The following NRP1 variants were observed in gnomAD, a reference collection of about 807,000 sequenced individuals.
NRP1 encodes the protein neuropilin-1.
A neutral mutation model predicts 106.7 loss-of-function variants in NRP1; 35 were observed. The observed-to-expected ratio is 0.33, with a 90% CI of 0.25 to 0.43. The LOEUF is 0.43. NRP1 is among the 20% of genes least tolerant of loss of function. NRP1 has a pLI of 1.00. For missense variants in NRP1, 1,024 were observed against 1,170.4 expected, an observed-to-expected ratio of 0.87 and a Z score of 1.83; for synonymous variants, 437 against 417.9, an observed-to-expected ratio of 1.05 and a Z score of -0.56.
At chr10:33,182,832 T>TTCACACACAC in intron 15 of NRP1, 84 bp from the exon 16 acceptor site, 1 of 758,812 alleles carries the variant, frequency 1.3e-6, no homozygotes, top group African/African-American at 2.9e-5. Context: ...TTTAGGTACA[T>TTCACACACAC]GCACACACAC....
intron 12 of NRP1, among the ~76,000 whole-genome samples, chr10:33,197,386 T>G (rs1410978813): frequency 6.6e-6 from 1 of 152,226 alleles, no homozygotes; most frequent in Non-Finnish European, 1.5e-5. Context: ...GTGCTGCGTT[T>G]AAACAAAGTA....
chr10:33,185,839 G>GT (rs1194502004), intron 14 of NRP1, 115 bp from the exon 15 acceptor site: 5 of 909,872 alleles, frequency 5.5e-6, no homozygotes, highest in African/African-American at 1.6e-5. Flanking sequence ...CAGATTCAGC[G>GT]TAACACAGAC....
chr10:33,198,818 C>A (rs2132669868), intron 11 of NRP1, among the ~76,000 whole-genome samples: 1 of 152,234 alleles, frequency 6.6e-6, no homozygotes, highest in African/African-American at 2.4e-5. Context: ...GACAAATACC[C>A]TGCCCTGTAT....
chr10:33,258,616 T>C (rs1165990809), intron 4 of NRP1, among the ~76,000 whole-genome samples: 4 of 152,220 alleles, frequency 2.6e-5, no homozygotes, highest in African/African-American at 9.7e-5. Context: ...AGAAAGCATC[T>C]CAGAAGATGA....
chr10:33,249,957 G>T (rs1320028039), intron 6 of NRP1, among the ~76,000 whole-genome samples: 1 of 152,044 alleles, frequency 6.6e-6, no homozygotes, highest in East Asian at 1.9e-4. Flanking sequence ...ACCGAAGCTT[G>T]TTCCTGTCTT....
rs1028477491 is a variant in NRP1 at position 33,254,234 on chromosome 10, G to C, written c.815-40C>G. ...AGGGCCCACAGTCATCAAAATATAG[G>C]GGATTTAAGATGCATTTTTCTTTTT... On this transcript the variant is annotated intron_variant, in intron 5 of 16. Coordinates refer to ENST00000374867, the MANE Select transcript of NRP1 (RefSeq NM_003873.7). The C allele has an allele frequency of 7.2e-6, 11 of 1,538,216 alleles. No individual in the cohort carries two copies. The East Asian group carries it at 2.5e-4, about 35-fold the overall frequency.
At chr10:33,180,415 T>A (rs746236647) in intron 16 of NRP1, 50 bp from the exon 17 acceptor site, 1 of 1,506,772 alleles carries the variant, frequency 6.6e-7, no homozygotes, top group Non-Finnish European at 8.9e-7. Context: ...ACAGACCAGA[T>A]GAAAGCAGAC....
intron 10 of NRP1, chr10:33,206,021 T>G (rs1837747346): frequency 2.9e-6 from 1 of 342,734 alleles, no homozygotes; most frequent in South Asian, 2.3e-5. Flanking sequence ...CAAGGACAGC[T>G]TGGAGGTTAG....
chr10:33,318,579 T>C (rs1473547697), intron 2 of NRP1, among the ~76,000 whole-genome samples: 1 of 151,858 alleles, frequency 6.6e-6, no homozygotes, highest in Non-Finnish European at 1.5e-5. Context: ...GAAATTGGCA[T>C]GGGGAGAAAC....
chr10:33,202,587 A>C (rs1360091990), intron 11 of NRP1: 9 of 867,826 alleles, frequency 1.0e-5, no homozygotes, highest in East Asian at 1.4e-4. Flanking sequence ...TCTGAAAATA[A>C]TGAAAATAAG....
At chr10:33,181,568 T>C (rs775596701) in intron 16 of NRP1, among the ~76,000 whole-genome samples, 10 of 152,310 alleles carry the variant, frequency 6.6e-5, no homozygotes, top group Non-Finnish European at 8.8e-5. Context: ...CAGCCCACAA[T>C]GCTGGCTGGG....
At chr10:33,334,210 T>C (rs1325388710) in intron 1 of NRP1, 100 bp downstream of exon 1, 2 of 1,105,906 alleles carry the variant, frequency 1.8e-6, no homozygotes, top group Admixed American at 2.3e-5. Flanking sequence ...GAGTCGGTTG[T>C]TCCCGGCTGA....
At chr10:33,187,614 G>A (rs911472739) in intron 13 of NRP1, among the ~76,000 whole-genome samples, 3 of 152,024 alleles carry the variant, frequency 2.0e-5, no homozygotes, top group Non-Finnish European at 2.9e-5. Flanking sequence ...ACCCCCACTG[G>A]GAACATTTCC....
chr10:33,278,763 T>C (rs971078549), intron 2 of NRP1, among the ~76,000 whole-genome samples: 4 of 152,220 alleles, frequency 2.6e-5, no homozygotes, highest in Admixed American at 1.3e-4. Context: ...ATAATCAAAG[T>C]ACAGTAGAGC....
chr10:33,186,880 T>G (rs868020051), intron 13 of NRP1, among the ~76,000 whole-genome samples: 1 of 147,210 alleles, frequency 6.8e-6, no homozygotes, highest in South Asian at 2.2e-4. Context: ...TTATTTATTA[T>G]GTTAGACACT....
At position 33,270,818 on chromosome 10, in the gene NRP1, T is replaced by C. The variant is rs767096379; in HGVS notation, c.287A>G (p.Asn96Ser). 1 of 1,613,326 alleles carries C rather than the reference T, an allele frequency of 6.2e-7. No homozygotes were observed. Among genetic ancestry groups the C allele is most frequent in the South Asian group, 1.1e-5 (1 of 90,884 alleles). ...ACAGAACTTTCCCCTAAAATGTCCA[T>C]TTTCATTTTCTCCATCGAAGACTTC... Reference protein sequence around the residue: ...YVEVFDGENENGHFRGKFCGK... With the variant: ...YVEVFDGENESGHFRGKFCGK... Residue 96 changes from asparagine (N) to serine (S), a missense_variant, in exon 3 of 17, where the codon AAT (asparagine) becomes AGT (serine). Coordinates refer to ENST00000374867, the MANE Select transcript of NRP1 (RefSeq NM_003873.7).
intron 2 of NRP1, among the ~76,000 whole-genome samples, chr10:33,319,798 G>C (rs1847343799): frequency 6.6e-6 from 1 of 151,070 alleles, no homozygotes; most frequent in African/African-American, 2.4e-5. Flanking sequence ...ATGTTAGCCA[G>C]GATGGTCTCG....
At chr10:33,321,080 G>A (rs1021443728) in intron 2 of NRP1, among the ~76,000 whole-genome samples, 3 of 152,126 alleles carry the variant, frequency 2.0e-5, no homozygotes, top group Non-Finnish European at 2.9e-5. Context: ...TCTGCTTCCC[G>A]GGTTCAAGCG....
chr10:33,230,281 A>ACCTAGAAAGACTTCATG, intron 6 of NRP1, among the ~76,000 whole-genome samples: 1 of 152,282 alleles, frequency 6.6e-6, no homozygotes, highest in East Asian at 1.9e-4. Context: ...GTGTCAGGAG[A>ACCTAGAAAGACTTCATG]CCTAGAAAGA....
Sources: allele counts gnomAD v4.1 joint callset (sites outside exome capture counted in the v4.1 genomes callset), GRCh38; gene constraint gnomAD v4.1.1; transcripts MANE v1.5; gene names NCBI Gene and HGNC (gene_info 2026-07-23, HGNC 2026-07-21).